Variants in A4GALT observed in about 807,000 individuals in gnomAD.
A4GALT encodes the protein alpha 1,4-galactosyltransferase (P1PK blood group), also known as lactosylceramide 4-alpha-galactosyltransferase.
For missense variants in A4GALT, 512 were observed against 486.0 expected (o/e 1.05, Z -0.50); for synonymous variants, 257 against 220.7 (o/e 1.16, Z -1.46).
intron 1 of A4GALT, among the ~76,000 whole-genome samples, chr22:42,703,476 G>C (rs1488668988): frequency 2.0e-5 from 3 of 151,892 alleles, no homozygotes; most frequent in African/African-American, 7.3e-5. Flanking sequence ...GGCTGGTCTT[G>C]AACTCCTGAC....
chr22:42,706,079 GGT>G lies in A4GALT; in HGVS notation c.-187-10450_-187-10449del, dbSNP rs2147004142. On this transcript the variant is annotated intron_variant, in intron 1 of 2. Coordinates refer to ENST00000642412, the MANE Select transcript of A4GALT (RefSeq NM_017436.7). ...AAAAAAAAAAAAAAAAAGTTGGCCG[GGT>G]GCGGTGGCTCACGCCTGTAATCTCA... Among the ~76,000 whole-genome samples the G allele has an allele frequency of 1.8e-5, 2 of 113,080 alleles. 1 individual carries two copies. Among genetic ancestry groups the G allele is most frequent in the Admixed American group, 1.8e-4 (2 of 10,848 alleles). 74.2% of individuals were successfully genotyped at this position (113,080 alleles called of 152,430 possible). A position where few individuals can be genotyped will look rare whatever the true frequency, so the allele number is the denominator to read the frequency against.
chr22:42,706,030 G>A, intron 1 of A4GALT, among the ~76,000 whole-genome samples: 1 of 97,792 alleles, frequency 1.0e-5, no homozygotes, highest in South Asian at 4.4e-4. Context: ...CTCCAGCCTG[G>A]GTGACACAGA....
At chr22:42,699,710 A>G (rs1376253657) in intron 1 of A4GALT, among the ~76,000 whole-genome samples, 1 of 152,202 alleles carries the variant, frequency 6.6e-6, no homozygotes, top group East Asian at 1.9e-4. Context: ...GGTGGCCATC[A>G]GAGATGTTTG....
intron 1 of A4GALT, among the ~76,000 whole-genome samples, chr22:42,698,724 T>A (rs551815903): frequency 5.6e-4 from 85 of 152,310 alleles, no homozygotes; most frequent in African/African-American, 1.9e-3. Flanking sequence ...GGCTGACACC[T>A]ACTGGGCTGC....
intron 1 of A4GALT, among the ~76,000 whole-genome samples, chr22:42,705,598 C>CA (rs68144596): frequency 0.35 from 25,359 of 72,002 alleles, 7,557 homozygotes; most frequent in East Asian, 0.72. Flanking sequence ...GATTCTGTCT[C>CA]AAAAAAAAAA....
Position 42,692,860 on chromosome 22 carries a change from G to A in A4GALT, c.*30C>T, listed in dbSNP as rs779998978. The stretch of plus-strand genomic sequence containing the variant: ...AGGGCGGCCCAGTGCCCCATCAGGA[G>A]CAGGTTGGGGAGGTGACCTGGCGGG... On this transcript the variant is annotated 3_prime_UTR_variant, in exon 3 of 3. Coordinates refer to ENST00000642412, the MANE Select transcript of A4GALT (RefSeq NM_017436.7). This position sits in a 1 kb window ranked among gnomAD's most constrained non-coding sequence, Gnocchi z 4.6. 117 of 1,596,856 alleles carry A rather than the reference G, an allele frequency of 7.3e-5. No individual in the cohort carries two copies. Among genetic ancestry groups the A allele is most frequent in the Non-Finnish European group, 9.3e-5 (110 of 1,178,232 alleles).
intron 1 of A4GALT, among the ~76,000 whole-genome samples, chr22:42,699,779 C>T (rs1164251182): frequency 1.3e-5 from 2 of 152,170 alleles, no homozygotes; most frequent in Non-Finnish European, 1.5e-5. Context: ...GACCAGGACA[C>T]AGGGTGCCCC....
In A4GALT at chr22:42,720,805, C is replaced by A; in HGVS notation, c.-196G>T. 1 of 150,956 alleles carries A rather than the reference C, an allele frequency of 6.6e-6. No homozygotes were observed. Among genetic ancestry groups the A allele is most frequent in the South Asian group, 1.8e-4 (1 of 5,518 alleles). 9.4% of individuals were successfully genotyped at this position (150,956 alleles called of 1,614,324 possible). A position where few individuals can be genotyped will look rare whatever the true frequency, so the allele number is the denominator to read the frequency against. On this transcript the variant is annotated 5_prime_UTR_variant, in exon 1 of 3. Transcript: ENST00000642412. ...GGCGCGGCCCCTCGTACCTCTAGCTCCAGCGGCGGCGGGCGGCGGACAGCG... is the reference window on the plus strand; with the variant it reads ...GGCGCGGCCCCTCGTACCTCTAGCTACAGCGGCGGCGGGCGGCGGACAGCG...
intron 1 of A4GALT, among the ~76,000 whole-genome samples, chr22:42,701,000 A>G (rs1315009341): frequency 3.3e-5 from 5 of 152,150 alleles, no homozygotes; most frequent in Non-Finnish European, 2.9e-5. Flanking sequence ...GCTGTCACCA[A>G]CTGGATGGTG....
chr22:42,705,278 C>T (rs1400117753), intron 1 of A4GALT, among the ~76,000 whole-genome samples: 3 of 152,082 alleles, frequency 2.0e-5, no homozygotes, highest in East Asian at 3.8e-4. Flanking sequence ...CACAAATACT[C>T]GCTTATATAT....
chr22:42,692,861 CA>C lies in A4GALT; in HGVS notation c.*28del, dbSNP rs1421364964. On this transcript the variant is annotated 3_prime_UTR_variant, in exon 3 of 3. Coordinates refer to ENST00000642412, the MANE Select transcript of A4GALT (RefSeq NM_017436.7). The surrounding 1 kb of genome is among the most constrained non-coding windows in gnomAD (Gnocchi z 4.6). ...GGGCGGCCCAGTGCCCCATCAGGAGCAGGTTGGGGAGGTGACCTGGCGGGCC... is the reference window on the plus strand; with the variant it reads ...GGGCGGCCCAGTGCCCCATCAGGAGCGGTTGGGGAGGTGACCTGGCGGGCC... 6.3e-7 allele frequency: 1 copy of C among 1,598,248 alleles called. No individual in the cohort carries two copies. Among genetic ancestry groups the C allele is most frequent in the Non-Finnish European group, 8.5e-7 (1 of 1,179,334 alleles).
intron 1 of A4GALT, among the ~76,000 whole-genome samples, chr22:42,719,753 G>C (rs559421941): frequency 6.6e-6 from 1 of 152,174 alleles, no homozygotes; most frequent in South Asian, 2.1e-4. Context: ...TTGGGCAGCT[G>C]GTGGCGGGAA....
At chr22:42,714,420 T>A (rs138760441) in intron 1 of A4GALT, among the ~76,000 whole-genome samples, 14 of 151,740 alleles carry the variant, frequency 9.2e-5, no homozygotes, top group African/African-American at 3.1e-4. Flanking sequence ...AAACCCCGTT[T>A]CTTCAAAAAA....
rs1365383543 is a variant in A4GALT, at chr22:42,717,828, GCA to G, written c.-188+2967_-188+2968del. Reference sequence around the variant, plus strand: ...ATGATAAACTGGGGAAAGATCCTTGGCACACAAAGACCAGACAAGGGGTAAAA... The same window carrying G: ...ATGATAAACTGGGGAAAGATCCTTGGCACAAAGACCAGACAAGGGGTAAAA... On this transcript the variant is annotated intron_variant, in intron 1 of 2. Transcript: ENST00000642412. Among the ~76,000 whole-genome samples, 11 of 152,250 alleles carry G rather than the reference GCA, an allele frequency of 7.2e-5. No homozygotes were observed. In the East Asian group the frequency reaches 2.1e-3, roughly 29 times the overall value.
chr22:42,712,975 T>A (rs1293481641), intron 1 of A4GALT, among the ~76,000 whole-genome samples: 1 of 152,178 alleles, frequency 6.6e-6, no homozygotes, highest in African/African-American at 2.4e-5. Context: ...CATCACCTAC[T>A]GCGTGTTCTT....
rs769744009 is a variant in A4GALT, at chr22:42,693,542, G to A, written c.410C>T (p.Pro137Leu). ...HLGISLLSCF[P>L]NVQMLPLDLR... ...GTCCAGCGGGAGCATCTGGACATTC[G>A]GGAAGCAGCTCAGAAGTGAGATGCC... Residue 137 changes from proline (P) to leucine (L), a missense_variant, in exon 3 of 3, where the codon CCG becomes CTG. Transcript: ENST00000642412. 9.3e-6 allele frequency: 15 copies of A among 1,613,324 alleles called. No individual in the cohort carries two copies. Among genetic ancestry groups the A allele is most frequent in the Middle Eastern group, 1.6e-4 (1 of 6,084 alleles).
intron 1 of A4GALT, among the ~76,000 whole-genome samples, chr22:42,719,522 TTTG>T (rs1922498485): frequency 6.6e-6 from 1 of 152,146 alleles, no homozygotes; most frequent in Non-Finnish European, 1.5e-5. Context: ...TCCTTTCTAT[TTTG>T]TTTTCCTTTG....
intron 1 of A4GALT, among the ~76,000 whole-genome samples, chr22:42,711,570 T>A (rs2071657600): frequency 6.6e-6 from 1 of 152,174 alleles, no homozygotes; most frequent in Non-Finnish European, 1.5e-5. Context: ...CTCAGTCATC[T>A]CCCCTGGGGC....
At chr22:42,706,833 A>G (rs567811215) in intron 1 of A4GALT, among the ~76,000 whole-genome samples, 7 of 152,064 alleles carry the variant, frequency 4.6e-5, no homozygotes, top group Non-Finnish European at 8.8e-5. Flanking sequence ...GCAAAGATAT[A>G]AAAGCAAATG....
Sources: allele counts gnomAD v4.1 joint callset (sites outside exome capture counted in the v4.1 genomes callset), GRCh38; gene constraint gnomAD v4.1.1; non-coding constraint Gnocchi (gnomAD v3.1); transcripts MANE v1.5; gene names NCBI Gene and HGNC (gene_info 2026-07-23, HGNC 2026-07-21).